The following ACTN4 variants were observed in gnomAD, a reference collection of about 807,000 sequenced individuals.
ACTN4 encodes actinin alpha 4.
ACTN4 carries 18 observed loss-of-function variants against 114.2 expected under a neutral mutation model. That is an observed-to-expected ratio of 0.16 (90% CI 0.11 to 0.23). The LOEUF is 0.23. Ranked by LOEUF, ACTN4 falls within the 10% of genes least tolerant of loss-of-function variation. The pLI, the probability that ACTN4 is intolerant of heterozygous loss-of-function variation, is 1.00. For missense variants in ACTN4, 722 were observed against 1,262.9 expected (o/e 0.57, Z 6.49); for synonymous variants, 515 against 506.3 (o/e 1.02, Z -0.23).
In ACTN4 at chr19:38,709,196, G is replaced by A. The variant is rs58568088; in HGVS notation, c.652-199G>A. Among the ~76,000 whole-genome samples the A allele has an allele frequency of 0.021, 3,137 of 152,276 alleles. 109 individuals carry two copies. Among genetic ancestry groups the A allele is most frequent in the African/African-American group, 0.073 (3,011 of 41,530 alleles). The stretch of plus-strand genomic sequence containing the variant: ...CTGGTTTGCCCCACAAAGATTTCAC[G>A]AGGCACTCCTGTGAGTGGGAATTGA... On this transcript the variant is annotated intron_variant, in intron 6 of 20. Coordinates refer to ENST00000252699, the MANE Select transcript of ACTN4 (RefSeq NM_004924.6).
In ACTN4 at chr19:38,724,715, G is replaced by C; in HGVS notation, c.2010+150G>C. 1 of 1,357,850 alleles carries C rather than the reference G, an allele frequency of 7.4e-7. No individual in the cohort carries two copies. The highest frequency in any genetic ancestry group is 1.0e-6 in the Non-Finnish European group (1 of 982,566). 84.1% of individuals were successfully genotyped at this position (1,357,850 alleles called of 1,614,324 possible). A position where few individuals can be genotyped will look rare whatever the true frequency, so the allele number is the denominator to read the frequency against. Reference sequence around the variant, plus strand: ...CACCCAGGGGCCGTGATCACCCTGCGGGGTTAGGAGAGTCCACAGAGCTTG... The same window carrying C: ...CACCCAGGGGCCGTGATCACCCTGCCGGGTTAGGAGAGTCCACAGAGCTTG... On this transcript the variant is annotated intron_variant, in intron 16 of 20. Coordinates refer to ENST00000252699, the MANE Select transcript of ACTN4 (RefSeq NM_004924.6). The surrounding 1 kb of genome is among the most constrained non-coding windows in gnomAD (Gnocchi z 7.0).
At chr19:38,662,316 GA>G (rs1242205425) in intron 1 of ACTN4, among the ~76,000 whole-genome samples, 1 of 152,222 alleles carries the variant, frequency 6.6e-6, no homozygotes, top group South Asian at 2.1e-4. Context: ...CACCCAGCAA[GA>G]AGTTACCTTC....
intron 8 of ACTN4, among the ~76,000 whole-genome samples, chr19:38,710,646 G>T (rs1442656288): frequency 6.6e-6 from 1 of 152,236 alleles, no homozygotes; most frequent in East Asian, 1.9e-4. Context: ...TGTCACAGGA[G>T]TGGAATAGAG....
intron 1 of ACTN4, among the ~76,000 whole-genome samples, chr19:38,676,068 C>G (rs1249333085): frequency 1.3e-5 from 2 of 152,098 alleles, no homozygotes; most frequent in Non-Finnish European, 2.9e-5. Flanking sequence ...CAGGATGCAG[C>G]GGGATGGAGC....
intron 1 of ACTN4, among the ~76,000 whole-genome samples, chr19:38,654,993 G>GT (rs1190373628): frequency 1.3e-5 from 2 of 152,112 alleles, no homozygotes; most frequent in African/African-American, 4.8e-5. Flanking sequence ...CCTGGGATGA[G>GT]TTCCATTCTC....
At chr19:38,676,407 T>C (rs1297450277) in intron 1 of ACTN4, among the ~76,000 whole-genome samples, 1 of 152,196 alleles carries the variant, frequency 6.6e-6, no homozygotes, top group Non-Finnish European at 1.5e-5. Context: ...AGGGGCTGAC[T>C]CTTGGTATTG....
chr19:38,707,503 G>A (rs1412109852), intron 5 of ACTN4, among the ~76,000 whole-genome samples: 6 of 152,082 alleles, frequency 3.9e-5, no homozygotes, highest in East Asian at 1.9e-4. Context: ...ACCCTTAGAG[G>A]GTCTCAGGGA....
chr19:38,730,257 T>TA lies in ACTN4; in HGVS notation c.*826dup, dbSNP rs1051135194. Reference sequence around the variant, plus strand: ...ATAAATATATATTCACCTAGCAACATATCTCTGCCGTCTCTCCTGCTCTCA... The same window carrying TA: ...ATAAATATATATTCACCTAGCAACATAATCTCTGCCGTCTCTCCTGCTCTCA... On this transcript the variant is annotated 3_prime_UTR_variant, in exon 21 of 21. Transcript: ENST00000252699. 6.3e-6 allele frequency: 1 copy of TA among 158,336 alleles called. No individual in the cohort carries two copies. The highest frequency in any genetic ancestry group is 1.4e-5 in the Non-Finnish European group (1 of 71,610). The allele number at this position is 158,336 out of a possible 1,614,324, so 9.8% of individuals were successfully genotyped here. A position where few individuals can be genotyped will look rare whatever the true frequency, so the allele number is the denominator to read the frequency against.
chr19:38,710,211 C>G, intron 7 of ACTN4, 46 bp from the exon 8 acceptor site: 2 of 1,598,170 alleles, frequency 1.3e-6, no homozygotes, highest in Non-Finnish European at 1.7e-6. Flanking sequence ...GACGCCTCCA[C>G]CCCCCGCCCT....
chr19:38,682,354 T>G (rs941790464), intron 1 of ACTN4, among the ~76,000 whole-genome samples: 1 of 151,262 alleles, frequency 6.6e-6, no homozygotes, highest in Non-Finnish European at 1.5e-5. Flanking sequence ...TTTTTGTTTG[T>G]TTTTTTTCCA....
intron 9 of ACTN4, among the ~76,000 whole-genome samples, chr19:38,715,237 C>T (rs1968800593): frequency 6.6e-6 from 1 of 152,228 alleles, no homozygotes; most frequent in African/African-American, 2.4e-5. Context: ...TGGCTCACAC[C>T]TGTAATCGCA....
rs763201414 is a variant in ACTN4 at position 38,727,997 on chromosome 19, C to T, written c.2389C>T (p.Leu797=). ...GGAGTTCAAGGCCTGCCTCATCAGC[C>T]TGGGCTACGACGTGGAGAACGACCG... The part of the protein sequence containing the change: ...PEEFKACLIS[L]GYDVENDRQG... Residue 797 remains leucine, a synonymous_variant, in exon 19 of 21, where the codon CTG becomes TTG. Coordinates refer to ENST00000252699, the MANE Select transcript of ACTN4 (RefSeq NM_004924.6). This position sits in a 1 kb window ranked among gnomAD's most constrained non-coding sequence, Gnocchi z 5.4. 67 of 1,613,040 alleles carry T rather than the reference C, an allele frequency of 4.2e-5. No individual in the cohort carries two copies. Among genetic ancestry groups the T allele is most frequent in the Non-Finnish European group, 5.4e-5 (64 of 1,179,952 alleles).
At position 38,724,701 on chromosome 19, in the gene ACTN4, CG is replaced by C. The variant is rs1313203235; in HGVS notation, c.2010+137del. 5 of 1,420,598 alleles carry C rather than the reference CG, an allele frequency of 3.5e-6. No individual in the cohort carries two copies. Among genetic ancestry groups the C allele is most frequent in the Non-Finnish European group, 4.8e-6 (5 of 1,031,998 alleles). The allele number at this position is 1,420,598 out of a possible 1,614,324, so 88.0% of individuals were successfully genotyped here. ...GTCCCAATTCTCACCACCCAGGGGC[CG>C]TGATCACCCTGCGGGGTTAGGAGAG... On this transcript the variant is annotated intron_variant, in intron 16 of 20. Coordinates refer to ENST00000252699, the MANE Select transcript of ACTN4 (RefSeq NM_004924.6). This position sits in a 1 kb window ranked among gnomAD's most constrained non-coding sequence, Gnocchi z 7.0.
rs529670823 is a variant in ACTN4 at position 38,688,339 on chromosome 19, AG to A, written c.163-12259del. 2.4e-3 allele frequency among the ~76,000 whole-genome samples: 347 copies of A among 144,254 alleles called. 1 individual carries two copies. Among genetic ancestry groups the A allele is most frequent in the Non-Finnish European group, 2.7e-3 (177 of 66,560 alleles). 94.6% of individuals were successfully genotyped at this position (144,254 alleles called of 152,430 possible). ...CGAGGCGAGTGGATCACCTGAGGTC[AG>A]GAGTTTGAGACCAGCCTGGCAAACA... On this transcript the variant is annotated intron_variant, in intron 1 of 20. Transcript: ENST00000252699.
chr19:38,708,966 G>A (rs1968552039), intron 6 of ACTN4, among the ~76,000 whole-genome samples: 2 of 152,150 alleles, frequency 1.3e-5, no homozygotes, highest in Admixed American at 6.5e-5. Flanking sequence ...CCTGTGAGGG[G>A]GCTGGGGGAC....
intron 1 of ACTN4, among the ~76,000 whole-genome samples, chr19:38,674,960 A>G (rs1967328747): frequency 6.6e-6 from 1 of 152,216 alleles, no homozygotes; most frequent in East Asian, 1.9e-4. Flanking sequence ...CAGGCATCTG[A>G]GATTGGAGAC....
chr19:38,678,546 G>C (rs1004131260), intron 1 of ACTN4, among the ~76,000 whole-genome samples: 1 of 152,318 alleles, frequency 6.6e-6, no homozygotes, highest in African/African-American at 2.4e-5. Context: ...TGGGGCATCG[G>C]CAGAGAAGTC....
chr19:38,647,677 C>A lies in ACTN4; in HGVS notation c.-69C>A. On this transcript the variant is annotated 5_prime_UTR_variant, in exon 1 of 21. Coordinates refer to ENST00000252699, the MANE Select transcript of ACTN4 (RefSeq NM_004924.6). ...GCAGCTGAAGCGGCGGTAGCGGCGG[C>A]GGCTCGGGCAGAGGGGCGGGAGCTG... 1.3e-6 allele frequency: 2 copies of A among 1,481,642 alleles called. No homozygotes were observed. The highest frequency in any genetic ancestry group is 1.8e-6 in the Non-Finnish European group (2 of 1,115,236). The allele number at this position is 1,481,642 out of a possible 1,614,324, so 91.8% of individuals were successfully genotyped here.
At chr19:38,653,148 C>T (rs1418171697) in intron 1 of ACTN4, among the ~76,000 whole-genome samples, 1 of 151,800 alleles carries the variant, frequency 6.6e-6, no homozygotes, top group Non-Finnish European at 1.5e-5. Flanking sequence ...TCTAAGCCTC[C>T]TGGGTGGGGA....
Sources: allele counts gnomAD v4.1 joint callset (sites outside exome capture counted in the v4.1 genomes callset), GRCh38; gene constraint gnomAD v4.1.1; non-coding constraint Gnocchi (gnomAD v3.1); transcripts MANE v1.5; gene names NCBI Gene and HGNC (gene_info 2026-07-23, HGNC 2026-07-21).